Variants in GCM2 observed in about 807,000 individuals in gnomAD.
GCM2 encodes chorion-specific transcription factor GCMb.
A neutral mutation model predicts 24.8 loss-of-function variants in GCM2; 21 were observed. The observed-to-expected ratio is 0.85, with a 90% CI of 0.60 to 1.22. The LOEUF (loss-of-function observed/expected upper bound fraction) is 1.22, where lower values mean the gene tolerates loss of function less well. Ranked by LOEUF, GCM2 falls within the 50% of genes most tolerant of loss-of-function variation. The probability of loss-of-function intolerance (pLI) is 0.00; values close to 1 mark genes in which losing one functional copy is unlikely to be tolerated. For synonymous variants in GCM2, 222 were observed against 238.0 expected, an observed-to-expected ratio of 0.93 and a Z score of 0.62; for missense variants, 532 against 645.6, an observed-to-expected ratio of 0.82 and a Z score of 1.91.
intron 4 of GCM2, 97 bp downstream of exon 4, chr6:10,875,794 T>A (rs1779869081): frequency 8.4e-7 from 1 of 1,196,850 alleles, no homozygotes; most frequent in Admixed American, 1.7e-5. Context: ...ATCAAACCCT[T>A]GTAATTAACG....
At position 10,876,533 on chromosome 6, in the gene GCM2, G is replaced by A. The variant is rs1410596448; in HGVS notation, c.368C>T (p.Ser123Phe). ...TCGACAAGGAATCAACTCCAAAGCA[G>A]AATGACAGTTAGGGCATGCCTTCTC... ...QQKKACPNCH[S>F]ALELIPCRGH... Residue 123 changes from serine (S) to phenylalanine (F), a missense_variant, in exon 3 of 5, where the codon TCT (serine) becomes TTT (phenylalanine). By Grantham distance (155) the Ser-to-Phe change is radical. Around this residue, in one of 3 missense-constraint regions of GCM2, gnomAD observed 434 missense variants for 521.9 expected, o/e 0.83. Coordinates refer to ENST00000379491, the MANE Select transcript of GCM2 (RefSeq NM_004752.4). 6.2e-7 allele frequency: 1 copy of A among 1,613,116 alleles called. No homozygotes were observed. The highest frequency in any genetic ancestry group is 1.3e-5 in the African/African-American group (1 of 74,916).
chr6:10,873,918 T>A lies in GCM2; in HGVS notation c.*77A>T. ...ACACAAGGTGAATCTCCCAACTCAA[T>A]AAGAGATCATTGCCATTTCACATTT... On this transcript the variant is annotated 3_prime_UTR_variant, in exon 5 of 5. Coordinates refer to ENST00000379491, the MANE Select transcript of GCM2 (RefSeq NM_004752.4). The A allele has an allele frequency of 9.0e-7, 1 of 1,109,178 alleles. No homozygotes were observed. The highest frequency in any genetic ancestry group is 1.3e-5 in the South Asian group (1 of 79,296). 68.7% of individuals were successfully genotyped at this position (1,109,178 alleles called of 1,614,324 possible).
chr6:10,875,765 C>G (rs183244148), intron 4 of GCM2, 126 bp downstream of exon 4: 2 of 926,348 alleles, frequency 2.2e-6, no homozygotes, highest in African/African-American at 1.6e-5. Context: ...TTGTTACAGA[C>G]GTATAATTTT....
chr6:10,876,926 G>T (rs1779889500), intron 2 of GCM2, among the ~76,000 whole-genome samples: 1 of 152,244 alleles, frequency 6.6e-6, no homozygotes, highest in Non-Finnish European at 1.5e-5. Flanking sequence ...AGCCGGGCGT[G>T]GTGGCGCATG....
At chr6:10,878,482 C>T (rs1048413230) in intron 1 of GCM2, among the ~76,000 whole-genome samples, 2 of 152,092 alleles carry the variant, frequency 1.3e-5, no homozygotes, top group African/African-American at 4.8e-5. Flanking sequence ...CCACGCCTGG[C>T]TATTGTTTGT....
chr6:10,876,551 G>A lies in GCM2; in HGVS notation c.350C>T (p.Ala117Val), dbSNP rs35786951. 6.2e-4 allele frequency: 1,001 copies of A among 1,601,838 alleles called. 5 individuals carry two copies. The African/African-American group carries it at 0.012, about 19-fold the overall frequency. Residue 117 changes from alanine to valine, a missense_variant, in exon 3 of 5, where the codon GCA becomes GTA. Physicochemically the swap from Ala to Val is moderately conservative, Grantham distance 64 (BLOSUM62 0). Transcript: ENST00000379491. ...DKARLKQQKK[A>V]CPNCHSALEL... ...CAAAGCAGAATGACAGTTAGGGCATGCCTTCTCTGCAAAGCCCAGAAGGGA... is the reference window on the plus strand; with the variant it reads ...CAAAGCAGAATGACAGTTAGGGCATACCTTCTCTGCAAAGCCCAGAAGGGA...
intron 4 of GCM2, among the ~76,000 whole-genome samples, chr6:10,875,188 T>TGGTC (rs973386112): frequency 1.4e-4 from 21 of 152,304 alleles, no homozygotes; most frequent in African/African-American, 4.1e-4. Context: ...GAGTGGCAGA[T>TGGTC]GGTCCTGTTC....
At position 10,874,330 on chromosome 6, in the gene GCM2, GCTGGTAGGC is replaced by G; in HGVS notation, c.1177_1185del (p.Ala393_Gln395del). 1 of 1,614,208 alleles carries G rather than the reference GCTGGTAGGC, an allele frequency of 6.2e-7. No homozygotes were observed. Among genetic ancestry groups the G allele is most frequent in the East Asian group, 2.2e-5 (1 of 44,886 alleles). On this transcript the variant is annotated inframe_deletion, in exon 5 of 5. Transcript: ENST00000379491. ...CTGTCACTGTATTTCATAGCAGGGGGCTGGTAGGCCTGGTAGGACACTTTAGTGGTGGTG... is the reference window on the plus strand; with the variant it reads ...CTGTCACTGTATTTCATAGCAGGGGGCTGGTAGGACACTTTAGTGGTGGTG...
chr6:10,878,277 TG>T (rs1779910183), intron 1 of GCM2, among the ~76,000 whole-genome samples: 1 of 152,242 alleles, frequency 6.6e-6, no homozygotes, highest in African/African-American at 2.4e-5. Context: ...ATGTCACTTT[TG>T]CATATAAGTT....
Position 10,877,351 on chromosome 6 carries a change from G to C in GCM2, c.132C>G (p.Gly44=), listed in dbSNP as rs375694621. The C allele has an allele frequency of 1.9e-6, 3 of 1,614,056 alleles. No individual in the cohort carries two copies. The African/African-American group carries it at 4.0e-5, about 22-fold the overall frequency. ...LFDQFREWPD[G]YVRFIYSSDE... ...CGCTGCTGTAGATGAAGCGCACATA[G>C]CCGTCAGGCCACTCTCGGAATTGGT... is the stretch of plus-strand genomic sequence containing the variant. The change falls in exon 2 of 5, where the codon GGC becomes GGG. Residue 44 remains glycine (G), a synonymous_variant. Transcript: ENST00000379491.
Position 10,880,474 on chromosome 6 carries a change from T to C in GCM2, c.90+1230A>G, listed in dbSNP as rs574093752. Among the ~76,000 whole-genome samples, 3 of 152,262 alleles carry C rather than the reference T, an allele frequency of 2.0e-5. No individual in the cohort carries two copies. In the East Asian group the frequency reaches 5.8e-4, roughly 29 times the overall value. On this transcript the variant is annotated intron_variant, in intron 1 of 4. Transcript: ENST00000379491. ...TCTCTTTTATCCCTGTGCCACAACA[T>C]TGCTGGAAGCCCACATCTGCAAATG...
At chr6:10,875,836 G>GT (rs1406641377) in intron 4 of GCM2, 55 bp downstream of exon 4, 1 of 1,569,388 alleles carries the variant, frequency 6.4e-7, no homozygotes, top group Non-Finnish European at 8.8e-7. Context: ...AACGATCAGC[G>GT]TATCTTGGGA....
chr6:10,878,914 G>A (rs1476467764), intron 1 of GCM2, among the ~76,000 whole-genome samples: 2 of 152,128 alleles, frequency 1.3e-5, no homozygotes, highest in Non-Finnish European at 2.9e-5. Context: ...ATAGCAGTAA[G>A]CCATTTGCAT....
intron 4 of GCM2, 43 bp from the exon 5 acceptor site, chr6:10,874,976 T>C (rs1402915867): frequency 1.5e-6 from 2 of 1,330,074 alleles, no homozygotes; most frequent in Non-Finnish European, 2.2e-6. Flanking sequence ...ATGTAAATCG[T>C]GTGGACACCC....
At position 10,874,607 on chromosome 6, in the gene GCM2, G is replaced by C; in HGVS notation, c.909C>G (p.Asp303Glu). The C allele has an allele frequency of 6.2e-7, 1 of 1,613,952 alleles. No homozygotes were observed. The highest frequency in any genetic ancestry group is 8.5e-7 in the Non-Finnish European group (1 of 1,179,776). ...KDSTSIPNDT[D>E]WVHLNTLQCN... ...ATTGTAGTGTGTTCAGATGAACCCA[G>C]TCTGTGTCATTAGGGATACTGGTGG... The change falls in exon 5 of 5, where the codon GAC becomes GAG. Residue 303 changes from aspartate to glutamate, a missense_variant. Physicochemically the swap from Asp to Glu is conservative, Grantham distance 45. This residue lies in a region of GCM2 where 434 missense variants were observed against 521.9 expected (regional missense o/e 0.83). Transcript: ENST00000379491.
Position 10,874,493 on chromosome 6 carries a change from G to C in GCM2, c.1023C>G (p.Ser341Arg), listed in dbSNP as rs1314423499. The change falls in exon 5 of 5, where the codon AGC (serine) becomes AGG (arginine). Residue 341 changes from serine (S) to arginine (R), a missense_variant. By Grantham distance (110) the Ser-to-Arg change is moderately radical. Transcript: ENST00000379491. ...GCCCATGGTTAGTCCTTTCCACAAG[G>C]CTGGGTTTTCCAAGAGCTGGTTTCC... ...HGWKPALGKP[S>R]LVERTNHGQF... The C allele has an allele frequency of 1.2e-6, 2 of 1,614,196 alleles. No homozygotes were observed. The highest frequency in any genetic ancestry group is 2.7e-5 in the African/African-American group (2 of 75,050).
rs773444005 is a variant in GCM2 at position 10,877,089 on chromosome 6, C to A, written c.343+51G>T. ...AACAAACAAACAAAAACAACAACAA[C>A]AAAAAACTCATGACTCCAAGGTCAC... On this transcript the variant is annotated intron_variant, in intron 2 of 4. Coordinates refer to ENST00000379491, the MANE Select transcript of GCM2 (RefSeq NM_004752.4). The A allele has an allele frequency of 1.1e-5, 17 of 1,599,696 alleles. 1 individual carries two copies. Among genetic ancestry groups the A allele is most frequent in the South Asian group, 5.5e-5 (5 of 90,938 alleles).
rs934909852 is a variant in GCM2 at position 10,875,753 on chromosome 6, T to C, written c.582+138A>G. The C allele has an allele frequency of 4.6e-6, 4 of 867,548 alleles. No homozygotes were observed. The African/African-American group carries it at 6.6e-5, about 14-fold the overall frequency. 53.7% of individuals were successfully genotyped at this position (867,548 alleles called of 1,614,324 possible). A position where few individuals can be genotyped will look rare whatever the true frequency, so the allele number is the denominator to read the frequency against. ...CTGTCCAAATGTTGATTTAATGATA[T>C]TTTGTTACAGACGTATAATTTTCAG... On this transcript the variant is annotated intron_variant, in intron 4 of 4. Transcript: ENST00000379491.
chr6:10,876,640 G>T, intron 2 of GCM2, 83 bp from the exon 3 acceptor site: 4 of 987,688 alleles, frequency 4.0e-6, no homozygotes, highest in Non-Finnish European at 6.4e-6. Context: ...TGGGAACAAA[G>T]AACTCATGCT....
Sources: gnomAD v4.1 joint callset for allele counts (sites outside exome capture counted in the v4.1 genomes callset) on GRCh38, gnomAD v4.1.1 for gene constraint, gnomAD v4.1.1 regional missense constraint, MANE v1.5 for transcripts, NCBI Gene and HGNC (gene_info 2026-07-23, HGNC 2026-07-21) for gene names.